ADCYAP1R1: variants seen among roughly 807,000 people sequenced by gnomAD.
ADCYAP1R1 encodes the protein ADCYAP receptor type I.
A neutral mutation model predicts 67.6 loss-of-function variants in ADCYAP1R1; 44 were observed. That is an observed-to-expected ratio of 0.65 (90% CI 0.51 to 0.84). ADCYAP1R1 has a LOEUF of 0.84. Among genes scored for constraint, ADCYAP1R1 ranks in the 40% least tolerant of loss-of-function variants. The probability of loss-of-function intolerance (pLI) is 0.00; values close to 1 mark genes in which losing one functional copy is unlikely to be tolerated. For missense variants in ADCYAP1R1, 477 were observed against 587.9 expected (o/e 0.81, Z 1.95); for synonymous variants, 222 against 219.6 (o/e 1.01, Z -0.10).
At chr7:31,095,662 T>C (rs1169065316) in intron 13 of ADCYAP1R1, 5 of 717,654 alleles carry the variant, frequency 7.0e-6, no homozygotes, top group Non-Finnish European at 1.3e-5. Context: ...TCCTCTTATT[T>C]CCAGAACAAA....
rs1795764466 is a variant in ADCYAP1R1, at chr7:31,086,842, C to T, written c.824-101C>T. 4.7e-6 allele frequency: 6 copies of T among 1,275,596 alleles called. No homozygotes were observed. Among genetic ancestry groups the T allele is most frequent in the Non-Finnish European group, 5.7e-6 (5 of 876,238 alleles). The allele number at this position is 1,275,596 out of a possible 1,614,324, so 79.0% of individuals were successfully genotyped here. ...GTTAGAATTCCCAGGAATTCCAAGT[C>T]TCATGGGGGAGCAATAGCCTCTCGG... On this transcript the variant is annotated intron_variant, in intron 10 of 15. Transcript: ENST00000304166. The surrounding 1 kb of genome is among the most constrained non-coding windows in gnomAD (Gnocchi z 5.0).
chr7:31,082,276 C>A (rs1352204346), intron 6 of ADCYAP1R1, among the ~76,000 whole-genome samples: 2 of 152,170 alleles, frequency 1.3e-5, no homozygotes, highest in Non-Finnish European at 2.9e-5. Flanking sequence ...TGGGGCGAAT[C>A]AGCCTAGTGA....
At position 31,100,692 on chromosome 7, in the gene ADCYAP1R1, T is replaced by A. The variant is rs1796401172; in HGVS notation, c.1047-2545T>A. 2.6e-5 allele frequency among the ~76,000 whole-genome samples: 4 copies of A among 152,318 alleles called. No homozygotes were observed. The South Asian group carries it at 8.3e-4, about 32-fold the overall frequency. On this transcript the variant is annotated intron_variant, in intron 13 of 15. Transcript: ENST00000304166. ...CAACTCTATGAGCTGGGTCCTGGTA[T>A]CATCACCATTTTACAAATGAGAAAA... is the stretch of plus-strand genomic sequence containing the variant.
rs149079033 is a variant in ADCYAP1R1, at chr7:31,092,956, A to AAG, written c.1046+240_1046+241dup. Among the ~76,000 whole-genome samples the AAG allele has an allele frequency of 1.6e-4, 24 of 149,068 alleles. No individual in the cohort carries two copies. The East Asian group carries it at 1.8e-3, about 11-fold the overall frequency. ...CATGGCCATCATATGGATGGGCAGG[A>AAG]AGAGAGAGAGAGAGAGAGAGCCTGA... On this transcript the variant is annotated intron_variant, in intron 13 of 15. Coordinates refer to ENST00000304166, the MANE Select transcript of ADCYAP1R1 (RefSeq NM_001118.5).
intron 4 of ADCYAP1R1, 51 bp from the exon 5 acceptor site, chr7:31,080,562 C>A: frequency 1.3e-6 from 2 of 1,598,792 alleles, no homozygotes; most frequent in Non-Finnish European, 1.7e-6. Flanking sequence ...ACTTTTCTCA[C>A]CCCGCTGCTC....
At chr7:31,092,827 G>A (rs1796022064) in intron 13 of ADCYAP1R1, 92 bp downstream of exon 13, 2 of 866,490 alleles carry the variant, frequency 2.3e-6, no homozygotes, top group Non-Finnish European at 3.7e-6. Context: ...GGGCTTTGCT[G>A]ATAGGGTGAC....
At chr7:31,104,580 G>A (rs1796563298) in intron 14 of ADCYAP1R1, among the ~76,000 whole-genome samples, 1 of 152,172 alleles carries the variant, frequency 6.6e-6, no homozygotes, top group Admixed American at 6.5e-5. Context: ...CTTATAGGAA[G>A]TGGGATAGAG....
At chr7:31,093,661 T>G (rs1207179441) in intron 13 of ADCYAP1R1, among the ~76,000 whole-genome samples, 1 of 152,030 alleles carries the variant, frequency 6.6e-6, no homozygotes, top group Admixed American at 6.5e-5. Flanking sequence ...GTCCGTCTGT[T>G]GGTAAGGCAA....
chr7:31,096,625 C>G (rs1562653640), intron 13 of ADCYAP1R1, among the ~76,000 whole-genome samples: 1 of 152,328 alleles, frequency 6.6e-6, no homozygotes, highest in Non-Finnish European at 1.5e-5. Flanking sequence ...TGGGACCCCT[C>G]CAGACCGGCT....
intron 15 of ADCYAP1R1, among the ~76,000 whole-genome samples, chr7:31,105,600 C>T (rs1322406690): frequency 6.6e-6 from 1 of 152,174 alleles, no homozygotes. Context: ...GTCTTTGCAC[C>T]AGTGCTTGGG....
intron 2 of ADCYAP1R1, among the ~76,000 whole-genome samples, chr7:31,064,473 T>C (rs532087851): frequency 6.6e-6 from 1 of 152,296 alleles, no homozygotes; most frequent in Non-Finnish European, 1.5e-5. Flanking sequence ...ATAAAAATAG[T>C]ACTTCATAGT....
At chr7:31,080,665 G>A (rs1584509366) in intron 5 of ADCYAP1R1, 32 bp downstream of exon 5, 1 of 1,611,880 alleles carries the variant, frequency 6.2e-7, no homozygotes, top group Non-Finnish European at 8.5e-7. Context: ...ATAGACCGCT[G>A]TCTTTCTGTC....
At chr7:31,100,250 A>G (rs1183082855) in intron 13 of ADCYAP1R1, 2 of 1,540,452 alleles carry the variant, frequency 1.3e-6, no homozygotes, top group Admixed American at 2.0e-5. Context: ...GGAATCCTGG[A>G]GGGGTGGGGG....
intron 1 of ADCYAP1R1, among the ~76,000 whole-genome samples, chr7:31,060,905 CT>C (rs1794475470): frequency 6.6e-6 from 1 of 152,220 alleles, no homozygotes; most frequent in African/African-American, 2.4e-5. Flanking sequence ...CGAGCATCAC[CT>C]GGAGAACTTT....
chr7:31,096,566 A>C (rs2128636346), intron 13 of ADCYAP1R1, among the ~76,000 whole-genome samples: 1 of 152,310 alleles, frequency 6.6e-6, no homozygotes, highest in South Asian at 2.1e-4. Context: ...ATGACCCAGC[A>C]GTCAGTGGCT....
At chr7:31,055,701 T>A (rs975526551) in intron 1 of ADCYAP1R1, among the ~76,000 whole-genome samples, 8 of 152,180 alleles carry the variant, frequency 5.3e-5, no homozygotes, top group Admixed American at 5.2e-4. Context: ...GGTTGCCAGC[T>A]CCTGCGATGT....
intron 13 of ADCYAP1R1, among the ~76,000 whole-genome samples, chr7:31,093,390 A>T (rs902078925): frequency 2.0e-5 from 3 of 152,014 alleles, no homozygotes; most frequent in Non-Finnish European, 2.9e-5. Flanking sequence ...TGGCCACTTG[A>T]TTTCCAAGAA....
Position 31,084,689 on chromosome 7 carries a change from G to T in ADCYAP1R1, c.439-48G>T. 2.6e-6 allele frequency: 4 copies of T among 1,517,246 alleles called. No homozygotes were observed. The South Asian group carries it at 4.5e-5, about 17-fold the overall frequency. 94.0% of individuals were successfully genotyped at this position (1,517,246 alleles called of 1,614,324 possible). ...GGTGCAGGCCTGAGGCAGCCTGGCT[G>T]TGGGCAGGTCTCACATGAAGTCCTG... On this transcript the variant is annotated intron_variant, in intron 7 of 15. Transcript: ENST00000304166.
intron 12 of ADCYAP1R1, among the ~76,000 whole-genome samples, chr7:31,091,785 T>A (rs1432836435): frequency 6.6e-6 from 1 of 152,160 alleles, no homozygotes; most frequent in Non-Finnish European, 1.5e-5. Flanking sequence ...GTCATTCAAT[T>A]CATCTGTAAA....
Sources: allele counts gnomAD v4.1 joint callset (sites outside exome capture counted in the v4.1 genomes callset), GRCh38; gene constraint gnomAD v4.1.1; non-coding constraint Gnocchi (gnomAD v3.1); transcripts MANE v1.5; gene names NCBI Gene and HGNC (gene_info 2026-07-23, HGNC 2026-07-21).